SASH1: variants seen among roughly 807,000 people sequenced by gnomAD.
SASH1 encodes SAM and SH3 domain containing 1, also known as SAM and SH3 domain-containing protein 1.
Under a neutral mutation model 125.2 loss-of-function variants are expected in SASH1, and 44 were observed. The observed-to-expected ratio is 0.35, with a 90% CI of 0.28 to 0.45. SASH1 has a LOEUF of 0.45. SASH1 is among the 20% of genes least tolerant of loss of function. SASH1 has a pLI of 1.00. For missense variants in SASH1, 1,426 were observed against 1,614.5 expected (o/e 0.88, Z 2.00); for synonymous variants, 639 against 649.1 (o/e 0.98, Z 0.24).
chr6:148,353,787 A>G (rs185378920), intron 1 of SASH1, among the ~76,000 whole-genome samples: 202 of 152,282 alleles, frequency 1.3e-3, no homozygotes, highest in African/African-American at 3.8e-3. Context: ...TTTAATATGT[A>G]GCTTAAAAAT....
upstream of SASH1, among the ~76,000 whole-genome samples, chr6:148,269,357 C>A (rs973779143): frequency 1.3e-5 from 2 of 152,080 alleles, no homozygotes; most frequent in African/African-American, 2.4e-5. Context: ...GTGGCACAAA[C>A]CTCCTAGGCT....
the SASH1 span, among the ~76,000 whole-genome samples, chr6:148,265,291 T>G: frequency 9.4e-6 from 1 of 106,838 alleles, no homozygotes; most frequent in East Asian, 3.0e-4. Flanking sequence ...GCCTAGGTGA[T>G]AAAACAAGAC....
the SASH1 span, among the ~76,000 whole-genome samples, chr6:148,259,125 G>A: frequency 2.6e-5 from 4 of 152,184 alleles, no homozygotes; most frequent in South Asian, 8.3e-4. Context: ...CGTTGTCTGC[G>A]AGGGATGAGG....
chr6:148,507,463 C>T lies in SASH1; in HGVS notation c.730-6861C>T, dbSNP rs149448552. On this transcript the variant is annotated intron_variant, in intron 8 of 19. Coordinates refer to ENST00000367467, the MANE Select transcript of SASH1 (RefSeq NM_015278.5). ...TTGGCTCACTGCAGCCTCTGCCTCCCGGACTCAATTTATCCTCCTATCCCA... is the reference window on the plus strand; with the variant it reads ...TTGGCTCACTGCAGCCTCTGCCTCCTGGACTCAATTTATCCTCCTATCCCA... Among the ~76,000 whole-genome samples, 30 of 152,208 alleles carry T rather than the reference C, an allele frequency of 2.0e-4. No individual in the cohort carries two copies. The East Asian group carries it at 5.4e-3, about 27-fold the overall frequency.
the SASH1 span, among the ~76,000 whole-genome samples, chr6:148,243,119 C>T: frequency 1.3e-5 from 2 of 151,928 alleles, no homozygotes; most frequent in African/African-American, 4.8e-5. Context: ...AGTTTGAAAC[C>T]AGCCTCACCA....
At chr6:148,408,863 C>T (rs1438445429) in intron 2 of SASH1, among the ~76,000 whole-genome samples, 1 of 152,186 alleles carries the variant, frequency 6.6e-6, no homozygotes, top group Non-Finnish European at 1.5e-5. Context: ...AAGGTGTCCC[C>T]TTATTTTCAT....
intron 1 of SASH1, among the ~76,000 whole-genome samples, chr6:148,349,359 G>T (rs765814588): frequency 2.9e-5 from 4 of 135,958 alleles, no homozygotes; most frequent in African/African-American, 1.1e-4. Flanking sequence ...AACCTTCCAG[G>T]TTCAAGCAAT....
intron 1 of SASH1, among the ~76,000 whole-genome samples, chr6:148,335,519 G>A (rs1363735421): frequency 6.6e-6 from 1 of 151,516 alleles, no homozygotes; most frequent in African/African-American, 2.4e-5. Context: ...CTGTGGTTTG[G>A]ATCACAGAGA....
At chr6:148,209,110 A>G in the SASH1 span, among the ~76,000 whole-genome samples, 1 of 152,228 alleles carries the variant, frequency 6.6e-6, no homozygotes, top group Non-Finnish European at 1.5e-5. Flanking sequence ...GTATTGATAC[A>G]CATGCATATT....
intron 1 of SASH1, among the ~76,000 whole-genome samples, chr6:148,355,458 A>C (rs1208672528): frequency 6.6e-6 from 1 of 152,222 alleles, no homozygotes; most frequent in Admixed American, 6.5e-5. Flanking sequence ...ATGATTCCTA[A>C]ATGATATGTA....
In SASH1 at chr6:148,409,113, T is replaced by C. The variant is rs562459538; in HGVS notation, c.285+18851T>C. The stretch of plus-strand genomic sequence containing the variant: ...CTGCATTGCAGTTTTATGATACTTC[T>C]CATGTCGTGTCTGTGCTTTCCTACC... On this transcript the variant is annotated intron_variant, in intron 2 of 19. Transcript: ENST00000367467. Among the ~76,000 whole-genome samples the C allele has an allele frequency of 8.5e-5, 13 of 152,330 alleles. No individual in the cohort carries two copies. In the South Asian group the frequency reaches 2.3e-3, roughly 27 times the overall value.
rs77918939 is a variant in SASH1, at chr6:148,405,374, C to T, written c.285+15112C>T. ...CCAACTCTTGTCCCTTCTTCCTTCC[C>T]GCCTTGACTAGGGGGTTTTGGTTGA... is the stretch of plus-strand genomic sequence containing the variant. On this transcript the variant is annotated intron_variant, in intron 2 of 19. Coordinates refer to ENST00000367467, the MANE Select transcript of SASH1 (RefSeq NM_015278.5). Among the ~76,000 whole-genome samples the T allele has an allele frequency of 2.0e-3, 310 of 152,212 alleles. 1 individual carries two copies. The highest frequency in any genetic ancestry group is 6.8e-3 in the African/African-American group (281 of 41,552).
chr6:148,296,008 CT>C (rs1270097697), intron 1 of SASH1, among the ~76,000 whole-genome samples: 3 of 152,162 alleles, frequency 2.0e-5, no homozygotes, highest in Non-Finnish European at 4.4e-5. Context: ...TTCATTACGC[CT>C]TTTGTTAGTT....
intron 4 of SASH1, chr6:148,440,795 A>T (rs1335514520): frequency 2.3e-5 from 4 of 177,576 alleles, no homozygotes; most frequent in South Asian, 1.4e-4. Flanking sequence ...TCCAGAATAA[A>T]CCAATGATTA....
Position 148,343,052 on chromosome 6 carries a change from C to T in SASH1, c.-16C>T. ...CGCGGGGACTGGGACGCACGGCCCG[C>T]GCGCGGGACACGGCCATGGAGGACG... is the stretch of plus-strand genomic sequence containing the variant. On this transcript the variant is annotated 5_prime_UTR_variant, in exon 1 of 20. Coordinates refer to ENST00000367467, the MANE Select transcript of SASH1 (RefSeq NM_015278.5). 3 of 1,277,692 alleles carry T rather than the reference C, an allele frequency of 2.3e-6. No homozygotes were observed. The highest frequency in any genetic ancestry group is 3.0e-6 in the Non-Finnish European group (3 of 1,015,436). 79.1% of individuals were successfully genotyped at this position (1,277,692 alleles called of 1,614,324 possible).
chr6:148,499,065 T>TTTTG (rs1178972653), intron 8 of SASH1, among the ~76,000 whole-genome samples: 5 of 150,520 alleles, frequency 3.3e-5, no homozygotes, highest in South Asian at 2.1e-4. Context: ...TTGTTTTTTT[T>TTTTG]TTTTTTTTTG....
chr6:148,205,560 T>C, the SASH1 span, among the ~76,000 whole-genome samples: 1 of 152,266 alleles, frequency 6.6e-6, no homozygotes, highest in East Asian at 1.9e-4. Context: ...CAGTGCTAAG[T>C]AGTCCTAATA....
upstream of SASH1, among the ~76,000 whole-genome samples, chr6:148,267,766 C>G (rs893176573): frequency 6.6e-6 from 1 of 152,094 alleles, no homozygotes; most frequent in Non-Finnish European, 1.5e-5. Context: ...TAAACCTTCC[C>G]AATGATAAGG....
At chr6:148,381,334 G>T (rs1448112299) in intron 1 of SASH1, among the ~76,000 whole-genome samples, 3 of 152,174 alleles carry the variant, frequency 2.0e-5, no homozygotes, top group Non-Finnish European at 4.4e-5. Context: ...CTAGGGTCAA[G>T]CAGGCTGCAC....
Sources: gnomAD v4.1 joint callset for allele counts (sites outside exome capture counted in the v4.1 genomes callset) on GRCh38, gnomAD v4.1.1 for gene constraint, MANE v1.5 for transcripts, NCBI Gene and HGNC (gene_info 2026-07-23, HGNC 2026-07-21) for gene names.